CACNA1A: variants seen among roughly 807,000 people sequenced by gnomAD.
CACNA1A encodes the protein voltage-dependent P/Q-type calcium channel subunit alpha-1A.
CACNA1A carries 57 observed loss-of-function variants against 262.4 expected under a neutral mutation model. That is an observed-to-expected ratio of 0.22 (90% CI 0.18 to 0.27). The LOEUF is 0.27. Ranked by LOEUF, CACNA1A falls within the 10% of genes least tolerant of loss-of-function variation. The probability of loss-of-function intolerance (pLI) is 1.00; values close to 1 mark genes in which losing one functional copy is unlikely to be tolerated. For missense variants in CACNA1A, 2,526 were observed against 3,562.8 expected, an observed-to-expected ratio of 0.71 and a Z score of 7.41; for synonymous variants, 1,431 against 1,419.3, an observed-to-expected ratio of 1.01 and a Z score of -0.18.
intron 3 of CACNA1A, among the ~76,000 whole-genome samples, chr19:13,390,786 C>T (rs765726659): frequency 4.6e-5 from 7 of 152,104 alleles, no homozygotes; most frequent in Middle Eastern, 3.4e-3. Flanking sequence ...ATTTTATTGA[C>T]GAGGAAACTG....
intron 6 of CACNA1A, among the ~76,000 whole-genome samples, chr19:13,340,006 G>A (rs558031595): frequency 2.0e-5 from 3 of 152,266 alleles, no homozygotes; most frequent in Admixed American, 1.3e-4. Flanking sequence ...CCATCACTTT[G>A]GCGGCTGAGG....
Position 13,415,272 on chromosome 19 carries a change from C to T in CACNA1A, c.539+37604G>A, listed in dbSNP as rs141688923. On this transcript the variant is annotated intron_variant, in intron 3 of 46. Coordinates refer to ENST00000360228, the MANE Select transcript of CACNA1A (RefSeq NM_001127222.2). Reference sequence around the variant, plus strand: ...CAGGTGGTGCCGACAAGGAAACGTGCGGAAGGAAGGGAGATAGACGCAATC... The same window carrying T: ...CAGGTGGTGCCGACAAGGAAACGTGTGGAAGGAAGGGAGATAGACGCAATC... Among the ~76,000 whole-genome samples, 20 of 151,794 alleles carry T rather than the reference C, an allele frequency of 1.3e-4. No individual in the cohort carries two copies. The East Asian group carries it at 2.5e-3, about 19-fold the overall frequency.
intron 18 of CACNA1A, among the ~76,000 whole-genome samples, chr19:13,299,968 T>C (rs1448464399): frequency 1.3e-5 from 2 of 152,172 alleles, no homozygotes; most frequent in South Asian, 2.1e-4. Flanking sequence ...CCGTTCACAA[T>C]AGTGTTTGTG....
intron 34 of CACNA1A, among the ~76,000 whole-genome samples, chr19:13,233,775 G>T (rs987631253): frequency 9.9e-5 from 15 of 152,184 alleles, no homozygotes; most frequent in Admixed American, 2.0e-4. Flanking sequence ...ACAGGCACGA[G>T]TCACTGCACC....
Position 13,308,040 on chromosome 19 carries a change from C to A in CACNA1A, c.1913+80G>T. 1 of 1,567,208 alleles carries A rather than the reference C, an allele frequency of 6.4e-7. No homozygotes were observed. The highest frequency in any genetic ancestry group is 1.7e-4 in the Middle Eastern group (1 of 5,850). On this transcript the variant is annotated intron_variant, in intron 14 of 46. Transcript: ENST00000360228. The surrounding 1 kb of genome is among the most constrained non-coding windows in gnomAD (Gnocchi z 4.2). ...GGTGTCTGGGCTACGAGGAAGGCAG[C>A]CTGCACGGTGGAGGGGACTGTGTGT...
intron 1 of CACNA1A, among the ~76,000 whole-genome samples, chr19:13,493,140 C>T (rs1040634948): frequency 2.6e-5 from 4 of 152,160 alleles, no homozygotes; most frequent in South Asian, 2.1e-4. Flanking sequence ...ACGAATCTGT[C>T]GGTAGCAAGC....
chr19:13,429,398 G>T (rs1182485165), intron 3 of CACNA1A, among the ~76,000 whole-genome samples: 1 of 151,688 alleles, frequency 6.6e-6, no homozygotes, highest in Non-Finnish European at 1.5e-5. Flanking sequence ...TGAGATCTTG[G>T]AGGGGGTGGG....
At chr19:13,385,676 ATTT>A (rs2059599722) in intron 3 of CACNA1A, among the ~76,000 whole-genome samples, 1 of 152,040 alleles carries the variant, frequency 6.6e-6, no homozygotes, top group African/African-American at 2.4e-5. Flanking sequence ...ATTTATTTTT[ATTT>A]TTTATTTTAT....
intron 3 of CACNA1A, among the ~76,000 whole-genome samples, chr19:13,434,640 C>G (rs1599447270): frequency 1.3e-5 from 2 of 152,124 alleles, no homozygotes; most frequent in African/African-American, 4.8e-5. Flanking sequence ...CCTGCTCCAG[C>G]TTTACCTTCT....
At chr19:13,328,405 G>C (rs2058405239) in intron 10 of CACNA1A, among the ~76,000 whole-genome samples, 1 of 152,132 alleles carries the variant, frequency 6.6e-6, no homozygotes, top group African/African-American at 2.4e-5. Flanking sequence ...AAATGCAAAT[G>C]AAAACAAGCT....
At chr19:13,211,920 C>T (rs2054826556) in intron 43 of CACNA1A, 183 bp downstream of exon 43, 9 of 579,310 alleles carry the variant, frequency 1.6e-5, no homozygotes, top group Middle Eastern at 4.7e-4. Flanking sequence ...GGAGGGTCTG[C>T]AGGTGCTCCA....
chr19:13,227,886 ATGCTTTTGTTCAT>A (rs1482412117), intron 36 of CACNA1A, among the ~76,000 whole-genome samples: 1 of 137,894 alleles, frequency 7.3e-6, no homozygotes, highest in African/African-American at 2.7e-5. Flanking sequence ...ACGTAGAGCC[ATGCTTTTGTTCAT>A]TGCCTTTTTT....
In CACNA1A at chr19:13,234,564, G is replaced by A. The variant is rs1600137486; in HGVS notation, c.5249+357C>T. On this transcript the variant is annotated intron_variant, in intron 34 of 46. Transcript: ENST00000360228. The stretch of plus-strand genomic sequence containing the variant: ...ATAATGCCTGGAAAATGACCTTGAT[G>A]ACTATGTCCCAGGGCCCTCTGCTTC... 3.9e-5 allele frequency among the ~76,000 whole-genome samples: 6 copies of A among 152,168 alleles called. 1 individual carries two copies. Among genetic ancestry groups the A allele is most frequent in the Admixed American group, 3.9e-4 (6 of 15,262 alleles).
intron 3 of CACNA1A, among the ~76,000 whole-genome samples, chr19:13,404,637 C>A (rs776034313): frequency 7.2e-5 from 11 of 152,136 alleles, no homozygotes; most frequent in Non-Finnish European, 1.6e-4. Flanking sequence ...GTGTCCTCCC[C>A]CTGCCAGGCA....
intron 6 of CACNA1A, among the ~76,000 whole-genome samples, chr19:13,353,301 T>G (rs1445984273): frequency 1.4e-5 from 2 of 143,946 alleles, no homozygotes; most frequent in East Asian, 1.9e-4. Flanking sequence ...GTATTTTTGT[T>G]TTTTTTTTTT....
chr19:13,371,994 T>C (rs2059331551), intron 3 of CACNA1A, among the ~76,000 whole-genome samples: 1 of 152,068 alleles, frequency 6.6e-6, no homozygotes, highest in Admixed American at 6.6e-5. Context: ...CCCCAACAGA[T>C]GGTTCATGTT....
chr19:13,407,593 C>T (rs1434775897), intron 3 of CACNA1A, among the ~76,000 whole-genome samples: 1 of 152,190 alleles, frequency 6.6e-6, no homozygotes, highest in African/African-American at 2.4e-5. Flanking sequence ...GACTTCATAA[C>T]ACGCTAAGGG....
intron 6 of CACNA1A, among the ~76,000 whole-genome samples, chr19:13,351,645 G>A (rs1193924073): frequency 1.3e-5 from 2 of 152,190 alleles, no homozygotes; most frequent in African/African-American, 2.4e-5. Context: ...GCGTAGCTGG[G>A]ACTACAGGCG....
At chr19:13,255,796 CCTCCTTCA>C (rs1182031325) in intron 28 of CACNA1A, among the ~76,000 whole-genome samples, 1 of 137,092 alleles carries the variant, frequency 7.3e-6, no homozygotes, top group African/African-American at 2.7e-5. Flanking sequence ...TTCCTCCCTC[CCTCCTTCA>C]CTTTCCTTTT....
Sources: allele counts gnomAD v4.1 joint callset (sites outside exome capture counted in the v4.1 genomes callset), GRCh38; gene constraint gnomAD v4.1.1; non-coding constraint Gnocchi (gnomAD v3.1); transcripts MANE v1.5; gene names NCBI Gene and HGNC (gene_info 2026-07-23, HGNC 2026-07-21).